The following SYTL2 variants were observed in gnomAD, a reference collection of about 807,000 sequenced individuals.
SYTL2 encodes synaptotagmin-like protein 2.
Under a neutral mutation model 198.7 loss-of-function variants are expected in SYTL2, and 165 were observed. The ratio of observed to expected loss-of-function variants is 0.83; its 90% confidence interval spans 0.73 to 0.94. The LOEUF (loss-of-function observed/expected upper bound fraction) is 0.94, where lower values mean the gene tolerates loss of function less well. Ranked by LOEUF, SYTL2 falls within the 40% of genes least tolerant of loss-of-function variation. The pLI is 0.00. For synonymous variants in SYTL2, 966 were observed against 917.7 expected (o/e 1.05, Z -0.95); for missense variants, 2,835 against 2,582.8 (o/e 1.10, Z -2.12).
Position 85,791,577 on chromosome 11 carries a change from A to C in SYTL2, c.-390+19377T>G, listed in dbSNP as rs565615147. 6.6e-5 allele frequency among the ~76,000 whole-genome samples: 10 copies of C among 152,340 alleles called. No homozygotes were observed. In the East Asian group the frequency reaches 1.7e-3, roughly 26 times the overall value. ...TGTTCTAAAGGTCAACCAGTTCCTT[A>C]TCATCTAAGTTTTTACCATCTAACT... is the stretch of plus-strand genomic sequence containing the variant. On this transcript the variant is annotated intron_variant, in intron 1 of 19. Coordinates refer to ENST00000359152, the MANE Select transcript of SYTL2 (RefSeq NM_206927.4).
rs140804321 is a variant in SYTL2 at position 85,725,742 on chromosome 11, G to A, written c.3616C>T (p.Arg1206Trp). ...TCTAGACTAGCAGTCAAAGAGTTCCGTTTAACCTTTGGATGAACTACTGTT... is the reference window on the plus strand; with the variant it reads ...TCTAGACTAGCAGTCAAAGAGTTCCATTTAACCTTTGGATGAACTACTGTT... The part of the protein sequence containing the change: ...DKTVVHPKVK[R>W]NSLTASLDKL... Residue 1206 changes from arginine to tryptophan, a missense_variant, in exon 8 of 20, where the codon CGG (arginine) becomes TGG (tryptophan). By Grantham distance (101) the Arg-to-Trp change is moderately radical. This residue lies in a region of SYTL2 where 2,645 missense variants were observed against 2,381.7 expected (regional missense o/e 1.11). Coordinates refer to ENST00000359152, the MANE Select transcript of SYTL2 (RefSeq NM_206927.4). 8.8e-5 allele frequency: 142 copies of A among 1,613,960 alleles called. No individual in the cohort carries two copies. The highest frequency in any genetic ancestry group is 1.6e-4 in the Middle Eastern group (1 of 6,084).
At chr11:85,838,304 G>GA in the SYTL2 span, among the ~76,000 whole-genome samples, 1 of 152,304 alleles carries the variant, frequency 6.6e-6, no homozygotes, top group African/African-American at 2.4e-5. Context: ...TTTCTTGGGA[G>GA]ATAGTATGTA....
Position 85,727,206 on chromosome 11 carries a change from T to C in SYTL2, c.2152A>G (p.Thr718Ala), listed in dbSNP as rs2089299479. The C allele has an allele frequency of 6.5e-7, 1 of 1,536,466 alleles. No individual in the cohort carries two copies. Among genetic ancestry groups the C allele is most frequent in the Non-Finnish European group, 8.7e-7 (1 of 1,146,980 alleles). The change falls in exon 8 of 20, where the codon ACA (threonine) becomes GCA (alanine). Residue 718 changes from threonine to alanine, a missense_variant. Around this residue, in one of 3 missense-constraint regions of SYTL2, gnomAD observed 2,645 missense variants for 2,381.7 expected, o/e 1.11. Coordinates refer to ENST00000359152, the MANE Select transcript of SYTL2 (RefSeq NM_206927.4). ...TTCAAACCTGGTTCTTTGACAACTG[T>C]TGAAGAGTCAAAATTCACTTCTGAG... ...GHSEVNFDSS[T>A]VVKEPGLKDN...
the SYTL2 span, among the ~76,000 whole-genome samples, chr11:85,835,529 C>G: frequency 2.0e-5 from 3 of 152,118 alleles, no homozygotes; most frequent in Admixed American, 2.0e-4. Context: ...TTCAGTTGCA[C>G]AGTTTTCTGT....
intron 12 of SYTL2, among the ~76,000 whole-genome samples, chr11:85,712,583 C>G (rs559714912): frequency 1.3e-5 from 2 of 152,132 alleles, no homozygotes; most frequent in South Asian, 4.1e-4. Context: ...ATACACAAAC[C>G]CAGATGATTT....
chr11:85,829,130 T>G, the SYTL2 span, among the ~76,000 whole-genome samples: 57 of 152,026 alleles, frequency 3.7e-4, no homozygotes, highest in Non-Finnish European at 5.6e-4. Flanking sequence ...AGGTTTGTTA[T>G]GGGGGTATAT....
intron 2 of SYTL2, among the ~76,000 whole-genome samples, chr11:85,754,698 C>A (rs938451899): frequency 3.9e-5 from 6 of 152,120 alleles, no homozygotes; most frequent in Non-Finnish European, 7.4e-5. Context: ...GTATTATGAT[C>A]ATGCCCACTC....
rs185156774 is a variant in SYTL2, at chr11:85,774,049, A to C, written c.-389-15935T>G. ...TGAAAATCTCAAGCCCTGGAAATTC[A>C]GATGAAAGCCAGCAAGAAAGAATGT... On this transcript the variant is annotated intron_variant, in intron 1 of 19. Coordinates refer to ENST00000359152, the MANE Select transcript of SYTL2 (RefSeq NM_206927.4). Among the ~76,000 whole-genome samples the C allele has an allele frequency of 4.3e-3, 656 of 152,312 alleles. 5 individuals are homozygous for C. The highest frequency in any genetic ancestry group is 0.015 in the African/African-American group (628 of 41,584).
intron 2 of SYTL2, among the ~76,000 whole-genome samples, chr11:85,754,024 T>A (rs2091712469): frequency 6.6e-6 from 1 of 152,178 alleles, no homozygotes; most frequent in South Asian, 2.1e-4. Context: ...CCAAAGTCTA[T>A]AAAACATTAG....
chr11:85,734,669 C>A lies in SYTL2; in HGVS notation c.660G>T (p.Gln220His), dbSNP rs562648188. The change falls in exon 7 of 20, where the codon CAG becomes CAT. Residue 220 changes from glutamine (Q) to histidine (H), a missense_variant. Coordinates refer to ENST00000359152, the MANE Select transcript of SYTL2 (RefSeq NM_206927.4). ...ACCCATTTGAAAGGCCTGGCAAAGT[C>A]TGCTTTGATTTCTCTAACTTTTGGA... The part of the protein sequence containing the change: ...TSIQKLEKSK[Q>H]TLPGLSNGSQ... 12 of 1,614,172 alleles carry A rather than the reference C, an allele frequency of 7.4e-6. No individual in the cohort carries two copies. In the African/African-American group the frequency reaches 1.5e-4, roughly 20 times the overall value.
rs773600985 is a variant in SYTL2, at chr11:85,696,232, G to T, written c.6525C>A (p.Tyr2175Ter). Reference sequence around the variant, plus strand: ...CTCCCAAAAATTGGTTGGTTAATTTGTAATGGTCCCAGACAGTAAGCTCTA... The same window carrying T: ...CTCCCAAAAATTGGTTGGTTAATTTTTAATGGTCCCAGACAGTAAGCTCTA... ...ACVELTVWDH[Y>*]KLTNQFLGGL... The change falls in exon 19 of 20, where the codon TAC becomes TAA. Residue 2175 changes from tyrosine (Y) to a stop codon, truncating the protein, a stop_gained. Transcript: ENST00000359152. LOFTEE classifies it high-confidence loss of function. 3.0e-5 allele frequency: 48 copies of T among 1,613,458 alleles called. 3 individuals are homozygous for T. The East Asian group carries it at 5.1e-4, about 17-fold the overall frequency.
intron 1 of SYTL2, among the ~76,000 whole-genome samples, chr11:85,786,845 G>A (rs2092643591): frequency 6.6e-6 from 1 of 152,194 alleles, no homozygotes; most frequent in African/African-American, 2.4e-5. Context: ...AGGTCATGAA[G>A]TAAGCATTCT....
chr11:85,795,449 C>A (rs1406925022), intron 1 of SYTL2, among the ~76,000 whole-genome samples: 1 of 152,172 alleles, frequency 6.6e-6, no homozygotes, highest in Non-Finnish European at 1.5e-5. Context: ...ACTCATTTAA[C>A]AAATGTTAAT....
intron 4 of SYTL2, among the ~76,000 whole-genome samples, chr11:85,743,914 T>C (rs907059327): frequency 6.6e-6 from 1 of 152,088 alleles, no homozygotes; most frequent in Non-Finnish European, 1.5e-5. Flanking sequence ...CTGGTCAGTG[T>C]TCTAGTGCTC....
the SYTL2 span, among the ~76,000 whole-genome samples, chr11:85,842,795 G>C: frequency 6.6e-6 from 1 of 152,202 alleles, no homozygotes; most frequent in East Asian, 1.9e-4. Flanking sequence ...AGAATGCGAA[G>C]ACAGGAATGA....
rs2088780037 is a variant in SYTL2, at chr11:85,724,183, T to TGCACAGGA, written c.5174_5175insTCCTGTGC (p.Lys1725AsnfsTer15). 1 of 1,604,516 alleles carries TGCACAGGA rather than the reference T, an allele frequency of 6.2e-7. No homozygotes were observed. The highest frequency in any genetic ancestry group is 1.3e-5 in the African/African-American group (1 of 74,096). On this transcript the variant is annotated frameshift_variant, in exon 8 of 20. Coordinates refer to ENST00000359152, the MANE Select transcript of SYTL2 (RefSeq NM_206927.4). LOFTEE classifies it high-confidence loss of function. ...CTTTACTTGTTTTTGTAGAGTTTTC[T>TGCACAGGA]TTGTTCATCAGGAGAGGAATGGGTT... is the stretch of plus-strand genomic sequence containing the variant.
At chr11:85,759,632 T>C (rs980139372) in intron 1 of SYTL2, among the ~76,000 whole-genome samples, 12 of 152,226 alleles carry the variant, frequency 7.9e-5, no homozygotes, top group African/African-American at 2.7e-4. Flanking sequence ...TTCTCTTTTG[T>C]ATTATGTCTC....
the SYTL2 span, among the ~76,000 whole-genome samples, chr11:85,841,090 C>T: frequency 6.6e-6 from 1 of 152,110 alleles, no homozygotes; most frequent in African/African-American, 2.4e-5. Flanking sequence ...AAAAGCTCAA[C>T]ATCACTGATC....
Position 85,725,820 on chromosome 11 carries a change from T to C in SYTL2, c.3538A>G (p.Thr1180Ala), listed in dbSNP as rs1565926395. 6.2e-7 allele frequency: 1 copy of C among 1,614,112 alleles called. No individual in the cohort carries two copies. The highest frequency in any genetic ancestry group is 1.7e-5 in the Admixed American group (1 of 60,018). ...TWPQKTDFAD[T>A]EEEVKGPEKI... ...TCAGGTCCTTTGACTTCTTCCTCAG[T>C]ATCAGCAAAATCTGTTTTTTGAGGC... Residue 1180 changes from threonine to alanine, a missense_variant, in exon 8 of 20, where the codon ACT (threonine) becomes GCT (alanine). Physicochemically the swap from Thr to Ala is moderately conservative, Grantham distance 58 (BLOSUM62 0). Around this residue, in one of 3 missense-constraint regions of SYTL2, gnomAD observed 2,645 missense variants for 2,381.7 expected, o/e 1.11. Transcript: ENST00000359152.
Sources: allele counts gnomAD v4.1 joint callset (sites outside exome capture counted in the v4.1 genomes callset), GRCh38; gene constraint gnomAD v4.1.1; regional missense constraint gnomAD v4.1.1; transcripts MANE v1.5; gene names NCBI Gene and HGNC (gene_info 2026-07-23, HGNC 2026-07-21).